The following DNAH11 variants were observed in gnomAD, a reference collection of about 807,000 sequenced individuals.
DNAH11 encodes dynein axonemal heavy chain 11, also known as axonemal beta dynein heavy chain 11.
Under a neutral mutation model 526.0 loss-of-function variants are expected in DNAH11, and 442 were observed. The ratio of observed to expected loss-of-function variants is 0.84; its 90% confidence interval spans 0.78 to 0.91. DNAH11 has a LOEUF of 0.91. DNAH11 is among the 40% of genes least tolerant of loss of function. The pLI, the probability that DNAH11 is intolerant of heterozygous loss-of-function variation, is 0.00. For synonymous variants in DNAH11, 2,461 were observed against 1,935.9 expected (o/e 1.27, Z -7.12); for missense variants, 6,989 against 5,448.7 (o/e 1.28, Z -8.90).
intron 74 of DNAH11, among the ~76,000 whole-genome samples, chr7:21,877,211 A>T (rs1020429850): frequency 6.6e-6 from 1 of 152,116 alleles, no homozygotes; most frequent in African/African-American, 2.4e-5. Flanking sequence ...TATTTTTCAA[A>T]TCTAATTAAA....
intron 30 of DNAH11, among the ~76,000 whole-genome samples, chr7:21,663,070 A>G (rs1288690505): frequency 6.6e-6 from 1 of 152,132 alleles, no homozygotes; most frequent in Admixed American, 6.6e-5. Flanking sequence ...ATAGGTGAGA[A>G]CATGTGACAT....
chr7:21,640,575 A>C (rs1399847165), intron 28 of DNAH11, among the ~76,000 whole-genome samples: 2 of 151,840 alleles, frequency 1.3e-5, no homozygotes, highest in Admixed American at 6.5e-5. Flanking sequence ...GAATAATATT[A>C]ATTCCATGGG....
At chr7:21,614,927 C>G (rs1021316387) in intron 20 of DNAH11, among the ~76,000 whole-genome samples, 187 bp from the exon 21 acceptor site, 47 of 152,208 alleles carry the variant, frequency 3.1e-4, no homozygotes, top group Admixed American at 1.3e-4. Flanking sequence ...GTAATCTGTT[C>G]TCACTTTTTG....
At chr7:21,714,573 G>A (rs1346110819) in intron 42 of DNAH11, among the ~76,000 whole-genome samples, 1 of 152,078 alleles carries the variant, frequency 6.6e-6, no homozygotes, top group African/African-American at 2.4e-5. Flanking sequence ...TACCTTCTGA[G>A]ATAGACATAA....
At chr7:21,793,508 C>A (rs1788564351) in intron 61 of DNAH11, among the ~76,000 whole-genome samples, 1 of 151,510 alleles carries the variant, frequency 6.6e-6, no homozygotes, top group African/African-American at 2.4e-5. Flanking sequence ...CCCAGCTACT[C>A]AGAAGGCTGA....
rs1295684046 is a variant in DNAH11 at position 21,705,481 on chromosome 7, T to C, written c.6490T>C (p.Leu2164=). The change falls in exon 39 of 82, where the codon TTG becomes CTG. Residue 2164 remains leucine (L), a synonymous_variant. Transcript: ENST00000409508. ...ILKVVQLEEL[L]AVRHSVFVVG... ...GCAGGTTGTCCAGCTTGAGGAACTG[T>C]TGGCTGTGCGGCACTCGGTCTTTGT... is the stretch of plus-strand genomic sequence containing the variant. 2 of 1,613,584 alleles carry C rather than the reference T, an allele frequency of 1.2e-6. No homozygotes were observed. The highest frequency in any genetic ancestry group is 2.7e-5 in the African/African-American group (2 of 74,898).
At chr7:21,723,217 T>TGC in intron 44 of DNAH11, among the ~76,000 whole-genome samples, 1 of 152,304 alleles carries the variant, frequency 6.6e-6, no homozygotes, top group East Asian at 1.9e-4. Context: ...TGCTTAGAGC[T>TGC]TTTCATAGGG....
intron 69 of DNAH11, among the ~76,000 whole-genome samples, chr7:21,862,594 T>G (rs1232410684): frequency 6.6e-6 from 1 of 152,170 alleles, no homozygotes; most frequent in Non-Finnish European, 1.5e-5. Context: ...TTCTACAATA[T>G]AAACATGTAT....
chr7:21,826,023 G>A (rs1480472480), intron 65 of DNAH11, among the ~76,000 whole-genome samples: 6 of 151,884 alleles, frequency 4.0e-5, no homozygotes, highest in Non-Finnish European at 5.9e-5. Context: ...AAGGTGGACC[G>A]TGGGAGGGGA....
At chr7:21,714,230 G>A (rs988067068) in intron 42 of DNAH11, among the ~76,000 whole-genome samples, 4 of 152,172 alleles carry the variant, frequency 2.6e-5, no homozygotes, top group African/African-American at 9.6e-5. Flanking sequence ...TCCTAAGAGA[G>A]TTAAACAACT....
At position 21,726,113 on chromosome 7, in the gene DNAH11, A is replaced by G; in HGVS notation, c.7440+129A>G. On this transcript the variant is annotated intron_variant, in intron 45 of 81. Transcript: ENST00000409508. ...TGATTCCACAGGCTGCCCAGGAAGC[A>G]TGATGCTGGCATCTGCTGAGCTTCT... 6.2e-6 allele frequency: 6 copies of G among 962,700 alleles called. 1 individual carries two copies. The South Asian group carries it at 8.4e-5, about 13-fold the overall frequency. The allele number at this position is 962,700 out of a possible 1,614,324, so 59.6% of individuals were successfully genotyped here.
At chr7:21,572,222 G>C (rs562591731) in intron 8 of DNAH11, among the ~76,000 whole-genome samples, 315 of 152,256 alleles carry the variant, frequency 2.1e-3, no homozygotes, top group Non-Finnish European at 3.4e-3. Context: ...TTTGTATCTT[G>C]TTTGTGTATG....
intron 63 of DNAH11, among the ~76,000 whole-genome samples, chr7:21,810,847 C>A (rs913479228): frequency 2.0e-5 from 3 of 151,948 alleles, no homozygotes; most frequent in Admixed American, 6.6e-5. Context: ...GGGAGGTTAG[C>A]CAGAAGTTAG....
chr7:21,861,879 G>T lies in DNAH11; in HGVS notation c.11229G>T (p.Ala3743=). 1.2e-6 allele frequency: 2 copies of T among 1,613,286 alleles called. No homozygotes were observed. The highest frequency in any genetic ancestry group is 2.2e-5 in the East Asian group (1 of 44,822). ...CTTTTAACGTGCTGTTCCACAGAGC[G>T]ATCGAGCAGGCTGACAAGGTGGAAG... The part of the protein sequence containing the change: ...LKAFNVLFHR[A]IEQADKVEDM... Residue 3743 remains alanine, a synonymous_variant, in exon 69 of 82, where the codon GCG becomes GCT. Coordinates refer to ENST00000409508, the MANE Select transcript of DNAH11 (RefSeq NM_001277115.2).
At chr7:21,635,347 G>A (rs770992820) in intron 25 of DNAH11, among the ~76,000 whole-genome samples, 4 of 152,116 alleles carry the variant, frequency 2.6e-5, no homozygotes, top group Non-Finnish European at 5.9e-5. Context: ...TAGTAGAGAC[G>A]GGGTTTTACC....
At chr7:21,558,277 C>T (rs982635458) in intron 2 of DNAH11, among the ~76,000 whole-genome samples, 2 of 152,090 alleles carry the variant, frequency 1.3e-5, no homozygotes, top group African/African-American at 4.8e-5. Flanking sequence ...AATACTTTTT[C>T]AGAGTTTTCA....
chr7:21,692,051 G>A (rs117634525), intron 35 of DNAH11, among the ~76,000 whole-genome samples: 6,200 of 152,218 alleles, frequency 0.041, 186 homozygotes, highest in Admixed American at 0.08. Flanking sequence ...TATCCGTTAC[G>A]ATTCACTTAT....
intron 20 of DNAH11, among the ~76,000 whole-genome samples, chr7:21,614,517 A>G (rs1465713754): frequency 6.6e-6 from 1 of 152,232 alleles, no homozygotes; most frequent in East Asian, 1.9e-4. Context: ...AAGAAAAAAC[A>G]TGTCAGCATT....
chr7:21,626,372 G>T (rs924784879), intron 25 of DNAH11, among the ~76,000 whole-genome samples: 1 of 152,064 alleles, frequency 6.6e-6, no homozygotes, highest in Admixed American at 6.6e-5. Context: ...TAGGCACTTA[G>T]GTCAATTCTG....
Sources: allele counts gnomAD v4.1 joint callset (sites outside exome capture counted in the v4.1 genomes callset), GRCh38; gene constraint gnomAD v4.1.1; transcripts MANE v1.5; gene names NCBI Gene and HGNC (gene_info 2026-07-23, HGNC 2026-07-21).